Variants in SPAG16 observed in about 807,000 individuals in gnomAD.
The protein encoded by SPAG16 is sperm associated antigen 16.
SPAG16 carries 86 observed loss-of-function variants against 80.4 expected under a neutral mutation model. The observed-to-expected ratio is 1.07, with a 90% CI of 0.90 to 1.28. SPAG16 has a LOEUF of 1.28. Ranked by LOEUF, SPAG16 falls within the 50% of genes most tolerant of loss-of-function variation. The pLI is 0.00. For missense variants in SPAG16, 870 were observed against 765.3 expected, an observed-to-expected ratio of 1.14 and a Z score of -1.61; for synonymous variants, 294 against 265.9, an observed-to-expected ratio of 1.11 and a Z score of -1.03.
At chr2:214,405,131 G>A (rs1701924606) in intron 15 of SPAG16, among the ~76,000 whole-genome samples, 1 of 151,800 alleles carries the variant, frequency 6.6e-6, no homozygotes, top group Non-Finnish European at 1.5e-5. Context: ...CTTATTTTTT[G>A]TTATTATTTT....
chr2:214,336,271 T>G (rs1348836748), intron 15 of SPAG16, among the ~76,000 whole-genome samples: 2 of 152,230 alleles, frequency 1.3e-5, no homozygotes, highest in African/African-American at 4.8e-5. Flanking sequence ...AGATTCTATA[T>G]TTATTATATT....
chr2:214,377,962 G>T (rs1700228937), intron 15 of SPAG16, among the ~76,000 whole-genome samples: 1 of 152,192 alleles, frequency 6.6e-6, no homozygotes, highest in South Asian at 2.1e-4. Flanking sequence ...GGATTATCCA[G>T]GTTGGTCCAA....
chr2:214,147,727 A>G (rs1028461923), intron 14 of SPAG16, among the ~76,000 whole-genome samples: 3 of 152,214 alleles, frequency 2.0e-5, no homozygotes, highest in African/African-American at 7.2e-5. Flanking sequence ...AAGTCATAAA[A>G]AAGATTAAGC....
intron 14 of SPAG16, among the ~76,000 whole-genome samples, chr2:214,148,202 A>T (rs887375334): frequency 6.6e-6 from 1 of 152,194 alleles, no homozygotes; most frequent in Non-Finnish European, 1.5e-5. Flanking sequence ...ATGAGTGAAG[A>T]CTATGAGTTG....
At chr2:214,402,193 A>C (rs1701748908) in intron 15 of SPAG16, among the ~76,000 whole-genome samples, 4 of 152,030 alleles carry the variant, frequency 2.6e-5, no homozygotes, top group Admixed American at 1.3e-4. Context: ...TTCATAACTA[A>C]CATAGGGTGC....
intron 15 of SPAG16, among the ~76,000 whole-genome samples, chr2:214,252,549 G>C (rs1690371930): frequency 6.8e-6 from 1 of 147,668 alleles, no homozygotes; most frequent in South Asian, 2.1e-4. Flanking sequence ...TGTGTTTTTT[G>C]GTTTTCTGTT....
intron 9 of SPAG16, among the ~76,000 whole-genome samples, chr2:213,407,596 GGAGAGAGAGAGAGAGAGAGA>G (rs66674310): frequency 1.2e-4 from 12 of 102,106 alleles, no homozygotes; most frequent in Middle Eastern, 5.3e-3. Flanking sequence ...GAGAGAGACA[GGAGAGAGAGAGAGAGAGAGA>G]GAGAGAGAGA....
In SPAG16 at chr2:213,512,349, T is replaced by C. The variant is rs1248486372; in HGVS notation, c.1070+22259T>C. Among the ~76,000 whole-genome samples, 3 of 152,180 alleles carry C rather than the reference T, an allele frequency of 2.0e-5. No individual in the cohort carries two copies. The East Asian group carries it at 5.8e-4, about 29-fold the overall frequency. ...GGTATACATCAGTTGTCATATCGTA[T>C]TGCAAGAAAAAATTATTTTTTGCAC... On this transcript the variant is annotated intron_variant, in intron 10 of 15. Transcript: ENST00000331683.
chr2:213,835,964 T>A (rs2074048881), intron 10 of SPAG16, among the ~76,000 whole-genome samples: 1 of 152,208 alleles, frequency 6.6e-6, no homozygotes, highest in Non-Finnish European at 1.5e-5. Context: ...CCATGTTTAC[T>A]AAATTCTTTG....
chr2:213,877,630 T>G (rs1043334266), intron 11 of SPAG16, among the ~76,000 whole-genome samples: 3 of 152,184 alleles, frequency 2.0e-5, no homozygotes, highest in Non-Finnish European at 4.4e-5. Flanking sequence ...AGGCATTTTT[T>G]ATGAATGCCT....
chr2:213,439,282 A>AG (rs112582355), intron 9 of SPAG16, among the ~76,000 whole-genome samples: 1 of 152,222 alleles, frequency 6.6e-6, no homozygotes, highest in Non-Finnish European at 1.5e-5. Flanking sequence ...TATCTTAAAA[A>AG]GGGGAGCGGC....
intron 12 of SPAG16, among the ~76,000 whole-genome samples, chr2:213,982,653 G>A (rs2045816869): frequency 6.7e-6 from 1 of 149,932 alleles, no homozygotes; most frequent in African/African-American, 2.4e-5. Context: ...GTGTGTGAAA[G>A]ACAGAGTGGT....
At chr2:213,562,934 C>G (rs1442489640) in intron 10 of SPAG16, among the ~76,000 whole-genome samples, 2 of 152,200 alleles carry the variant, frequency 1.3e-5, no homozygotes, top group Non-Finnish European at 2.9e-5. Flanking sequence ...TTCATGAGGG[C>G]TCTGCCCTCA....
At chr2:214,342,413 G>A (rs371342642) in intron 15 of SPAG16, among the ~76,000 whole-genome samples, 1 of 152,270 alleles carries the variant, frequency 6.6e-6, no homozygotes, top group East Asian at 1.9e-4. Context: ...CCTCCTGTCA[G>A]ATCAGTGGCA....
intron 15 of SPAG16, among the ~76,000 whole-genome samples, chr2:214,328,125 A>G (rs1696625044): frequency 1.3e-5 from 2 of 151,686 alleles, no homozygotes; most frequent in African/African-American, 4.8e-5. Context: ...GTTCATGAGC[A>G]TGAGTTAATT....
chr2:214,385,382 C>T (rs1047640619), intron 15 of SPAG16, among the ~76,000 whole-genome samples: 3 of 152,214 alleles, frequency 2.0e-5, no homozygotes, highest in Admixed American at 6.5e-5. Flanking sequence ...ATCAGTATCT[C>T]ATTTAAACCA....
chr2:213,704,124 A>G (rs753242525), intron 10 of SPAG16, among the ~76,000 whole-genome samples: 2 of 152,214 alleles, frequency 1.3e-5, no homozygotes, highest in African/African-American at 4.8e-5. Context: ...CATCAGAAAG[A>G]CAATCATGCA....
intron 13 of SPAG16, among the ~76,000 whole-genome samples, chr2:214,097,696 A>C (rs901935936): frequency 3.9e-5 from 6 of 151,900 alleles, no homozygotes; most frequent in African/African-American, 1.4e-4. Context: ...CATTAGTTTA[A>C]AAATATGTAT....
chr2:213,666,914 T>C (rs2063627438), intron 10 of SPAG16, among the ~76,000 whole-genome samples: 1 of 152,166 alleles, frequency 6.6e-6, no homozygotes, highest in Non-Finnish European at 1.5e-5. Flanking sequence ...AGAATGGAAA[T>C]CTGGATACAA....
Sources: gnomAD v4.1 joint callset for allele counts (sites outside exome capture counted in the v4.1 genomes callset) on GRCh38, gnomAD v4.1.1 for gene constraint, MANE v1.5 for transcripts, NCBI Gene and HGNC (gene_info 2026-07-23, HGNC 2026-07-21) for gene names.